G3BP2: variants seen among roughly 807,000 people sequenced by gnomAD.
G3BP2 encodes ras GTPase-activating protein-binding protein 2.
A neutral mutation model predicts 56.7 loss-of-function variants in G3BP2; 11 were observed. That is an observed-to-expected ratio of 0.19 (90% CI 0.12 to 0.32). The LOEUF is 0.32. G3BP2 is among the 10% of genes least tolerant of loss of function. The pLI is 1.00. For missense variants in G3BP2, 340 were observed against 610.9 expected (o/e 0.56, Z 4.67); for synonymous variants, 165 against 191.6 (o/e 0.86, Z 1.15).
intron 3 of G3BP2, chr4:75,695,007 C>T: frequency 1.2e-6 from 1 of 864,358 alleles, no homozygotes; most frequent in Non-Finnish European, 1.4e-6. Context: ...GGGAGAATGG[C>T]CCTGTGGCTC....
intron 3 of G3BP2, among the ~76,000 whole-genome samples, chr4:75,679,022 T>C (rs537139638): frequency 1.6e-4 from 24 of 152,356 alleles, no homozygotes; most frequent in Non-Finnish European, 2.6e-4. Context: ...TTTACAGTTT[T>C]CAAAACACTT....
At chr4:75,714,852 G>T (rs1719877458) in intron 3 of G3BP2, among the ~76,000 whole-genome samples, 1 of 152,104 alleles carries the variant, frequency 6.6e-6, no homozygotes, top group Non-Finnish European at 1.5e-5. Context: ...TGTAACCTCA[G>T]GCCAAGGATG....
chr4:75,683,265 C>T (rs1358577486), intron 3 of G3BP2, among the ~76,000 whole-genome samples: 1 of 151,962 alleles, frequency 6.6e-6, no homozygotes, highest in African/African-American at 2.4e-5. Context: ...GAATGGTCCT[C>T]AGAATAAAGA....
rs1255176112 is a variant in G3BP2 at position 75,643,829 on chromosome 4, T to A, written c.*1601A>T. 2 of 152,624 alleles carry A rather than the reference T, an allele frequency of 1.3e-5. No homozygotes were observed. Among genetic ancestry groups the A allele is most frequent in the African/African-American group, 4.8e-5 (2 of 41,450 alleles). The allele number at this position is 152,624 out of a possible 1,614,324, so 9.5% of individuals were successfully genotyped here. A position where few individuals can be genotyped will look rare whatever the true frequency, so the allele number is the denominator to read the frequency against. On this transcript the variant is annotated 3_prime_UTR_variant, in exon 12 of 12. Transcript: ENST00000359707. ...CACTCCTGCCTGAAACATCAGAAACTGGTATGTACTGACTGCTCCAAGCAT... is the reference window on the plus strand; with the variant it reads ...CACTCCTGCCTGAAACATCAGAAACAGGTATGTACTGACTGCTCCAAGCAT...
intron 3 of G3BP2, among the ~76,000 whole-genome samples, chr4:75,690,549 G>A (rs909812495): frequency 6.6e-6 from 1 of 152,178 alleles, no homozygotes; most frequent in Non-Finnish European, 1.5e-5. Context: ...TAGCAGGACT[G>A]AGGGTTGAAA....
chr4:75,672,098 T>C (rs138512329), intron 1 of G3BP2, among the ~76,000 whole-genome samples: 255 of 152,300 alleles, frequency 1.7e-3, no homozygotes, highest in Middle Eastern at 0.01. Flanking sequence ...TCCAAGTTAA[T>C]ATCCCACAAC....
chr4:75,697,504 A>T (rs1391696350), intron 3 of G3BP2, among the ~76,000 whole-genome samples: 2 of 152,130 alleles, frequency 1.3e-5, no homozygotes, highest in African/African-American at 2.4e-5. Flanking sequence ...GATTTTAAAA[A>T]TTAATGTATT....
chr4:75,660,181 G>A (rs1237027101), intron 2 of G3BP2, among the ~76,000 whole-genome samples: 1 of 151,894 alleles, frequency 6.6e-6, no homozygotes, highest in African/African-American at 2.4e-5. Context: ...TTTGTTCTTG[G>A]TCACTAAAGA....
At chr4:75,676,238 G>A (rs878861038), upstream of G3BP2, among the ~76,000 whole-genome samples, 2 of 151,842 alleles carry the variant, frequency 1.3e-5, no homozygotes, top group Non-Finnish European at 2.9e-5. Context: ...ACCTCCTATA[G>A]ACTAGGCAGG....
At chr4:75,652,059 T>C (rs1731736084) in intron 8 of G3BP2, among the ~76,000 whole-genome samples, 2 of 152,236 alleles carry the variant, frequency 1.3e-5, no homozygotes, top group South Asian at 4.1e-4. Context: ...CCATTTTAAG[T>C]ATAGCCTAAA....
At position 75,642,923 on chromosome 4, in the gene G3BP2, T is replaced by C. The variant is rs2073646700; in HGVS notation, c.*2507A>G. 3 of 152,610 alleles carry C rather than the reference T, an allele frequency of 2.0e-5. No individual in the cohort carries two copies. The South Asian group carries it at 6.2e-4, about 32-fold the overall frequency. The allele number at this position is 152,610 out of a possible 1,614,324, so 9.5% of individuals were successfully genotyped here. On this transcript the variant is annotated 3_prime_UTR_variant, in exon 12 of 12. Coordinates refer to ENST00000359707, the MANE Select transcript of G3BP2 (RefSeq NM_203505.3). ...GCTTAACACATTACAGCAATAAAGATGGTAATCCATTGTCTTCTATACCTA... is the reference window on the plus strand; with the variant it reads ...GCTTAACACATTACAGCAATAAAGACGGTAATCCATTGTCTTCTATACCTA...
In G3BP2 at chr4:75,645,541, C is replaced by T. The variant is rs769670910; in HGVS notation, c.1338G>A (p.Met446Ile). 1.7e-5 allele frequency: 27 copies of T among 1,613,962 alleles called. No homozygotes were observed. Among genetic ancestry groups the T allele is most frequent in the Admixed American group, 3.3e-5 (2 of 59,986 alleles). Residue 446 changes from methionine to isoleucine, a missense_variant, in exon 12 of 12, where the codon ATG becomes ATA. Met to Ile is a conservative substitution (Grantham distance 10, BLOSUM62 1). Around this residue, in one of 4 missense-constraint regions of G3BP2, gnomAD observed 94 missense variants for 173.8 expected, o/e 0.54. Coordinates refer to ENST00000359707, the MANE Select transcript of G3BP2 (RefSeq NM_203505.3). ...GPRGIVGGGM[M>I]RDRDGRGPPP... is the part of the protein sequence containing the mutation. ...GAGGTCCTCTTCCATCACGATCACG[C>T]ATCATTCCACCACCCACAATTCCAC...
In G3BP2 at chr4:75,664,480, G is replaced by A. The variant is rs538745141; in HGVS notation, c.-24-2431C>T. 5.9e-5 allele frequency among the ~76,000 whole-genome samples: 9 copies of A among 152,154 alleles called. No homozygotes were observed. The East Asian group carries it at 1.8e-3, about 30-fold the overall frequency. ...AGTCCCAGCTACTTGGGAAGCTGAG[G>A]CAGGAGAATCGCTTGATCCCAGGAG... On this transcript the variant is annotated intron_variant, in intron 1 of 11. Coordinates refer to ENST00000359707, the MANE Select transcript of G3BP2 (RefSeq NM_203505.3).
chr4:75,718,473 A>C (rs1336410471), intron 3 of G3BP2, among the ~76,000 whole-genome samples: 1 of 151,946 alleles, frequency 6.6e-6, no homozygotes, highest in Non-Finnish European at 1.5e-5. Context: ...AAATAATTTC[A>C]AAAAAAACTG....
At chr4:75,649,412 A>C (rs1731498686) in intron 8 of G3BP2, among the ~76,000 whole-genome samples, 1 of 152,220 alleles carries the variant, frequency 6.6e-6, no homozygotes, top group South Asian at 2.1e-4. Context: ...ATGCATTTGA[A>C]GTATTGGTCC....
intron 3 of G3BP2, among the ~76,000 whole-genome samples, chr4:75,688,442 T>C (rs895317691): frequency 6.6e-6 from 1 of 152,230 alleles, no homozygotes; most frequent in African/African-American, 2.4e-5. Context: ...GTATTTTAAA[T>C]GTCACAGAGC....
intron 9 of G3BP2, 48 bp from the exon 10 acceptor site, chr4:75,647,205 A>G (rs772281384): frequency 4.7e-6 from 6 of 1,277,064 alleles, no homozygotes; most frequent in Non-Finnish European, 6.5e-6. Context: ...TATCATAAAA[A>G]CTACTTCAAA....
chr4:75,656,101 C>G (rs561490553), intron 5 of G3BP2, among the ~76,000 whole-genome samples: 5 of 151,540 alleles, frequency 3.3e-5, no homozygotes, highest in African/African-American at 9.7e-5. Flanking sequence ...AACGATTCTC[C>G]TGCCTCAGCC....
At chr4:75,660,093 T>C (rs1430834611) in intron 2 of G3BP2, among the ~76,000 whole-genome samples, 2 of 152,128 alleles carry the variant, frequency 1.3e-5, no homozygotes, top group Admixed American at 6.5e-5. Flanking sequence ...AAGAAAGAAA[T>C]TGGTCAAATA....
Sources: allele counts gnomAD v4.1 joint callset (sites outside exome capture counted in the v4.1 genomes callset), GRCh38; gene constraint gnomAD v4.1.1; regional missense constraint gnomAD v4.1.1; transcripts MANE v1.5; gene names NCBI Gene and HGNC (gene_info 2026-07-23, HGNC 2026-07-21).